LHFPL3: variants seen among roughly 807,000 people sequenced by gnomAD.
LHFPL3 encodes the protein LHFPL tetraspan subfamily member 3.
A neutral mutation model predicts 19.3 loss-of-function variants in LHFPL3; 5 were observed. That is an observed-to-expected ratio of 0.26 (90% CI 0.14 to 0.54). LHFPL3 has a LOEUF of 0.54. Among genes scored for constraint, LHFPL3 ranks in the 20% least tolerant of loss-of-function variants. The pLI is 0.94. For missense variants in LHFPL3, 249 were observed against 307.4 expected (o/e 0.81, Z 1.42); for synonymous variants, 133 against 126.2 (o/e 1.05, Z -0.36).
chr7:104,433,894 A>C (rs1792048979), intron 1 of LHFPL3, among the ~76,000 whole-genome samples: 1 of 152,208 alleles, frequency 6.6e-6, no homozygotes, highest in African/African-American at 2.4e-5. Context: ...TGCCCGGCAC[A>C]CAGGAGATGC....
intron 2 of LHFPL3, among the ~76,000 whole-genome samples, chr7:104,879,042 G>C (rs1481058977): frequency 6.6e-6 from 1 of 152,196 alleles, no homozygotes; most frequent in Non-Finnish European, 1.5e-5. Context: ...GAGAGGTGAG[G>C]AAGTTGTAGA....
At chr7:104,547,446 C>G (rs973532975) in intron 1 of LHFPL3, among the ~76,000 whole-genome samples, 4 of 151,966 alleles carry the variant, frequency 2.6e-5, no homozygotes, top group African/African-American at 9.7e-5. Flanking sequence ...GAAATCTGGG[C>G]TTGGGACCAC....
chr7:104,825,819 G>A (rs1022063781), intron 2 of LHFPL3, among the ~76,000 whole-genome samples: 5 of 151,840 alleles, frequency 3.3e-5, no homozygotes, highest in Non-Finnish European at 7.4e-5. Flanking sequence ...GGAAGAAGAG[G>A]GAAGGAGAAA....
chr7:104,841,757 A>G (rs1008986435), intron 2 of LHFPL3, among the ~76,000 whole-genome samples: 4 of 152,044 alleles, frequency 2.6e-5, no homozygotes, highest in African/African-American at 9.7e-5. Context: ...GCACCCATTT[A>G]TTTGAGTTCT....
intron 1 of LHFPL3, among the ~76,000 whole-genome samples, chr7:104,689,888 A>G (rs1171926318): frequency 6.6e-6 from 1 of 152,216 alleles, no homozygotes; most frequent in Non-Finnish European, 1.5e-5. Flanking sequence ...GCCAGAATGC[A>G]TAATTGGCAC....
At chr7:104,335,257 G>A (rs1039057415) in intron 1 of LHFPL3, among the ~76,000 whole-genome samples, 16 of 152,174 alleles carry the variant, frequency 1.1e-4, no homozygotes, top group African/African-American at 3.9e-4. Context: ...GCCAAGGAGT[G>A]ACCCTAAAGA....
chr7:104,800,630 GT>G (rs1790225955), intron 2 of LHFPL3, among the ~76,000 whole-genome samples: 2 of 152,068 alleles, frequency 1.3e-5, no homozygotes. Flanking sequence ...TGAATTAACT[GT>G]CCCTTTAGAT....
chr7:104,380,895 G>A (rs1023375228), intron 1 of LHFPL3, among the ~76,000 whole-genome samples: 1 of 152,070 alleles, frequency 6.6e-6, no homozygotes, highest in African/African-American at 2.4e-5. Context: ...GGTATAAAAG[G>A]AAATCACTGT....
At chr7:104,375,904 G>A (rs138883530) in intron 1 of LHFPL3, among the ~76,000 whole-genome samples, 182 of 152,256 alleles carry the variant, frequency 1.2e-3, no homozygotes, top group Middle Eastern at 0.01. Context: ...CTTTTCCCCA[G>A]CTCACTGTTT....
At chr7:104,585,906 A>G (rs1790566407) in intron 1 of LHFPL3, among the ~76,000 whole-genome samples, 1 of 152,120 alleles carries the variant, frequency 6.6e-6, no homozygotes, top group African/African-American at 2.4e-5. Context: ...ATAATGCGCA[A>G]AATTTTCAAG....
At chr7:104,901,435 G>A (rs922103828) in intron 2 of LHFPL3, among the ~76,000 whole-genome samples, 5 of 152,158 alleles carry the variant, frequency 3.3e-5, no homozygotes, top group Non-Finnish European at 7.3e-5. Flanking sequence ...TGCTCTGGTC[G>A]CAGTGTCTAA....
At chr7:104,722,436 G>A (rs1016832785) in intron 1 of LHFPL3, among the ~76,000 whole-genome samples, 7 of 151,826 alleles carry the variant, frequency 4.6e-5, no homozygotes, top group African/African-American at 1.5e-4. Context: ...TTTGTGTTAC[G>A]ACCCCAAGTT....
chr7:104,600,672 C>G (rs1242809482), intron 1 of LHFPL3, among the ~76,000 whole-genome samples: 1 of 152,176 alleles, frequency 6.6e-6, no homozygotes, highest in Non-Finnish European at 1.5e-5. Context: ...GAGTTAGTCA[C>G]TGAGGTCGTG....
chr7:104,477,022 G>A lies in LHFPL3; in HGVS notation c.445+147798G>A, dbSNP rs909506709. ...TGTTTGTTTTTTAATACAAAGTCTT[G>A]CTCTCTTACCCAGGCTGGAATGTAG... On this transcript the variant is annotated intron_variant, in intron 1 of 2. Transcript: ENST00000424859. Among the ~76,000 whole-genome samples, 7 of 151,962 alleles carry A rather than the reference G, an allele frequency of 4.6e-5. No individual in the cohort carries two copies. The South Asian group carries it at 1.2e-3, about 27-fold the overall frequency.
Position 104,419,968 on chromosome 7 carries a change from A to AAAC in LHFPL3, c.445+90765_445+90767dup, listed in dbSNP as rs113611808. ...CTCCCAGAGTTAAAAACAAACAAAC[A>AAAC]AACAACAACAACAACAACAACAAAA... On this transcript the variant is annotated intron_variant, in intron 1 of 2. Coordinates refer to ENST00000424859, the MANE Select transcript of LHFPL3 (RefSeq NM_199000.3). Among the ~76,000 whole-genome samples, 794 of 152,136 alleles carry AAAC rather than the reference A, an allele frequency of 5.2e-3. 8 individuals are homozygous for AAAC. Among genetic ancestry groups the AAAC allele is most frequent in the African/African-American group, 0.017 (704 of 41,490 alleles).
intron 1 of LHFPL3, among the ~76,000 whole-genome samples, chr7:104,475,599 A>G (rs752352438): frequency 1.5e-4 from 23 of 152,206 alleles, no homozygotes; most frequent in Non-Finnish European, 2.9e-4. Flanking sequence ...TTTAATCACA[A>G]TTAAAAATTA....
Position 104,584,577 on chromosome 7 carries a change from A to T in LHFPL3, c.446-152098A>T, listed in dbSNP as rs186497622. ...TTAACTAAAATATCATCTAAGTGTA[A>T]CCAACTAATAAGCTGTTCTCCAAAA... On this transcript the variant is annotated intron_variant, in intron 1 of 2. Transcript: ENST00000424859. 1.7e-3 allele frequency among the ~76,000 whole-genome samples: 264 copies of T among 152,278 alleles called. 1 individual carries two copies. Among genetic ancestry groups the T allele is most frequent in the African/African-American group, 6.1e-3 (252 of 41,558 alleles).
intron 2 of LHFPL3, among the ~76,000 whole-genome samples, chr7:104,847,997 G>A (rs1791342539): frequency 6.6e-6 from 1 of 152,174 alleles, no homozygotes; most frequent in Admixed American, 6.5e-5. Flanking sequence ...GACAGGATAT[G>A]GTAGAATAGG....
chr7:104,749,409 T>C (rs932438421), intron 2 of LHFPL3, among the ~76,000 whole-genome samples: 35 of 152,382 alleles, frequency 2.3e-4, no homozygotes, highest in Middle Eastern at 3.4e-3. Context: ...ATAGTTGGAC[T>C]ATTAAGCATT....
Sources: allele counts gnomAD v4.1 joint callset (sites outside exome capture counted in the v4.1 genomes callset), GRCh38; gene constraint gnomAD v4.1.1; transcripts MANE v1.5; gene names NCBI Gene and HGNC (gene_info 2026-07-23, HGNC 2026-07-21).